Variants in SGIP1 observed in about 807,000 individuals in gnomAD.
SGIP1 encodes the protein SH3-containing GRB2-like protein 3-interacting protein 1.
Under a neutral mutation model 107.5 loss-of-function variants are expected in SGIP1, and 38 were observed. The ratio of observed to expected loss-of-function variants is 0.35; its 90% confidence interval spans 0.27 to 0.46. The LOEUF (loss-of-function observed/expected upper bound fraction) is 0.46, where lower values mean the gene tolerates loss of function less well. SGIP1 is among the 20% of genes least tolerant of loss of function. SGIP1 has a pLI of 1.00. For synonymous variants in SGIP1, 365 were observed against 366.1 expected, an observed-to-expected ratio of 1.00 and a Z score of 0.03; for missense variants, 929 against 1,019.5, an observed-to-expected ratio of 0.91 and a Z score of 1.21.
At chr1:66,555,787 T>A (rs2058088265) in intron 1 of SGIP1, among the ~76,000 whole-genome samples, 1 of 152,134 alleles carries the variant, frequency 6.6e-6, no homozygotes, top group Admixed American at 6.6e-5. Context: ...AAAAAAGCAC[T>A]ACCTATGTAT....
At chr1:66,635,607 C>A (rs1249437529) in intron 3 of SGIP1, among the ~76,000 whole-genome samples, 2 of 152,216 alleles carry the variant, frequency 1.3e-5, no homozygotes, top group Admixed American at 1.3e-4. Flanking sequence ...TCAGTCTCTT[C>A]TTGTGTGTCC....
chr1:66,631,086 AG>A (rs2074534527), intron 2 of SGIP1, among the ~76,000 whole-genome samples: 6 of 143,974 alleles, frequency 4.2e-5, no homozygotes, highest in African/African-American at 1.0e-4. Context: ...AAAGAAAGAA[AG>A]AAAGAAAGAA....
intron 5 of SGIP1, among the ~76,000 whole-genome samples, chr1:66,640,178 C>T (rs534509514): frequency 6.6e-6 from 1 of 152,142 alleles, no homozygotes; most frequent in Non-Finnish European, 1.5e-5. Context: ...ATCTAGCCCC[C>T]ACACATATCA....
At position 66,635,173 on chromosome 1, in the gene SGIP1, G is replaced by A. The variant is rs144562322; in HGVS notation, c.100-771G>A. ...TGCCAGTTTCTCAAAATCTAACGAA[G>A]CTCATCTCTGGTGACAATGCTTCTG... On this transcript the variant is annotated intron_variant, in intron 3 of 24. Transcript: ENST00000371037. 3.2e-3 allele frequency among the ~76,000 whole-genome samples: 481 copies of A among 152,290 alleles called. 2 individuals carry two copies. The highest frequency in any genetic ancestry group is 0.011 in the African/African-American group (461 of 41,558).
intron 1 of SGIP1, among the ~76,000 whole-genome samples, chr1:66,580,488 A>G (rs545691862): frequency 2.0e-5 from 3 of 152,222 alleles, no homozygotes; most frequent in East Asian, 1.9e-4. Flanking sequence ...ATCTACCTGA[A>G]TCTGCTTTTT....
intron 7 of SGIP1, among the ~76,000 whole-genome samples, chr1:66,653,639 T>A (rs1206407460): frequency 6.6e-6 from 1 of 152,210 alleles, no homozygotes; most frequent in Non-Finnish European, 1.5e-5. Flanking sequence ...ACACTCAATT[T>A]CTGTAACAAA....
chr1:66,700,039 A>G (rs34093441), intron 18 of SGIP1, among the ~76,000 whole-genome samples: 19,321 of 152,248 alleles, frequency 0.13, 1,918 homozygotes, highest in East Asian at 0.51. Context: ...ACTGAGATTC[A>G]GATAATGTAA....
At chr1:66,611,679 T>C (rs1367903115) in intron 1 of SGIP1, among the ~76,000 whole-genome samples, 1 of 152,210 alleles carries the variant, frequency 6.6e-6, no homozygotes, top group Admixed American at 6.5e-5. Context: ...GAGAAGTCTA[T>C]GTGAACAGAT....
Position 66,682,118 on chromosome 1 carries a change from CA to C in SGIP1, c.1065del (p.Gly356ValfsTer21), listed in dbSNP as rs1316961496. Reference sequence around the variant, plus strand: ...CCAGCTCCAGGCCCTCTCGGCCCCCCAGGTCCCACAGGCCCCCCAGGGCCTC... The same window carrying C: ...CCAGCTCCAGGCCCTCTCGGCCCCCCGGTCCCACAGGCCCCCCAGGGCCTC... The part of the protein sequence containing the change: ...DSPAPGPLGP[P>X]GPTGPPGPPG... On this transcript the variant is annotated frameshift_variant, in exon 15 of 25. Transcript: ENST00000371037. LOFTEE classifies it high-confidence loss of function. The C allele has an allele frequency of 6.2e-7, 1 of 1,613,596 alleles. No individual in the cohort carries two copies. Among genetic ancestry groups the C allele is most frequent in the African/African-American group, 1.3e-5 (1 of 74,822 alleles).
intron 1 of SGIP1, among the ~76,000 whole-genome samples, chr1:66,568,399 G>A (rs1406833420): frequency 6.6e-6 from 1 of 151,940 alleles, no homozygotes; most frequent in Non-Finnish European, 1.5e-5. Context: ...TTTGGGCTGA[G>A]ATGATGGGGT....
chr1:66,545,627 A>AT (rs1169198337), intron 1 of SGIP1, among the ~76,000 whole-genome samples: 5 of 65,712 alleles, frequency 7.6e-5, no homozygotes, highest in African/African-American at 1.2e-4. Context: ...AACTGAACAA[A>AT]TTGTGTGTGT....
chr1:66,716,843 C>G (rs1388050238), intron 18 of SGIP1, among the ~76,000 whole-genome samples: 1 of 152,016 alleles, frequency 6.6e-6, no homozygotes, highest in African/African-American at 2.4e-5. Context: ...TCTTCATGAC[C>G]TAATTGCTAA....
intron 1 of SGIP1, among the ~76,000 whole-genome samples, chr1:66,610,304 A>G (rs2067702709): frequency 6.6e-6 from 1 of 152,210 alleles, no homozygotes; most frequent in Non-Finnish European, 1.5e-5. Context: ...ATGTGATTAT[A>G]TATAGTTACT....
intron 1 of SGIP1, among the ~76,000 whole-genome samples, chr1:66,579,067 A>T (rs906882731): frequency 2.6e-5 from 4 of 152,216 alleles, no homozygotes; most frequent in Non-Finnish European, 4.4e-5. Context: ...CTCTTTAAGT[A>T]TCCAGGAAGT....
chr1:66,541,393 T>A (rs997860422), intron 1 of SGIP1, among the ~76,000 whole-genome samples: 1 of 152,254 alleles, frequency 6.6e-6, no homozygotes, highest in African/African-American at 2.4e-5. Flanking sequence ...TGTGAATGTC[T>A]TGTGACAGTG....
At chr1:66,563,673 G>A (rs1571382274) in intron 1 of SGIP1, among the ~76,000 whole-genome samples, 1 of 152,096 alleles carries the variant, frequency 6.6e-6, no homozygotes, top group East Asian at 1.9e-4. Flanking sequence ...TCCCAGCAGT[G>A]CTAAAGGGGA....
At chr1:66,681,801 C>G in intron 14 of SGIP1, 68 bp from the exon 15 acceptor site, 4 of 1,502,614 alleles carry the variant, frequency 2.7e-6, no homozygotes, top group Non-Finnish European at 2.7e-6. Context: ...CAGTCTTTGC[C>G]TCCCTCCCTC....
At chr1:66,574,237 C>G (rs1242981748) in intron 1 of SGIP1, among the ~76,000 whole-genome samples, 2 of 152,104 alleles carry the variant, frequency 1.3e-5, no homozygotes, top group Non-Finnish European at 2.9e-5. Flanking sequence ...ACCCTCTCAG[C>G]TTGGGAGTAC....
At chr1:66,586,283 C>T (rs915244120) in intron 1 of SGIP1, among the ~76,000 whole-genome samples, 3 of 152,038 alleles carry the variant, frequency 2.0e-5, no homozygotes, top group Non-Finnish European at 2.9e-5. Flanking sequence ...ATTTTTAAAT[C>T]CCCTTGACCA....
Sources: allele counts gnomAD v4.1 joint callset (sites outside exome capture counted in the v4.1 genomes callset), GRCh38; gene constraint gnomAD v4.1.1; transcripts MANE v1.5; gene names NCBI Gene and HGNC (gene_info 2026-07-23, HGNC 2026-07-21).